CPE: variants seen among roughly 807,000 people sequenced by gnomAD.
The protein encoded by CPE is carbocypeptidase E.
Under a neutral mutation model 53.5 loss-of-function variants are expected in CPE, and 17 were observed. That is an observed-to-expected ratio of 0.32 (90% CI 0.22 to 0.48). CPE has a LOEUF of 0.48. Ranked by LOEUF, CPE falls within the 20% of genes least tolerant of loss-of-function variation. The probability of loss-of-function intolerance (pLI) is 0.99; values close to 1 mark genes in which losing one functional copy is unlikely to be tolerated. For missense variants in CPE, 524 were observed against 614.7 expected, an observed-to-expected ratio of 0.85 and a Z score of 1.56; for synonymous variants, 226 against 228.8, an observed-to-expected ratio of 0.99 and a Z score of 0.11.
chr4:165,497,477 T>A, intron 8 of CPE, 35 bp from the exon 9 acceptor site: 1 of 1,244,296 alleles, frequency 8.0e-7, no homozygotes, highest in Non-Finnish European at 1.1e-6. Flanking sequence ...ACACATGCAG[T>A]TTGATAATAA....
intron 3 of CPE, among the ~76,000 whole-genome samples, chr4:165,468,511 C>A (rs1450505232): frequency 6.6e-6 from 1 of 152,148 alleles, no homozygotes; most frequent in Non-Finnish European, 1.5e-5. Flanking sequence ...TCAGGTTGTC[C>A]AGAAACAAAT....
In CPE at chr4:165,388,580, T is replaced by C. The variant is rs911832509; in HGVS notation, c.307+9052T>C. Among the ~76,000 whole-genome samples the C allele has an allele frequency of 3.3e-5, 5 of 152,372 alleles. No homozygotes were observed. The South Asian group carries it at 1.0e-3, about 32-fold the overall frequency. Reference sequence around the variant, plus strand: ...TTTGGATTCACTCTTTCACACACGTTGAGCTTATATTGCATACTGTATAAC... The same window carrying C: ...TTTGGATTCACTCTTTCACACACGTCGAGCTTATATTGCATACTGTATAAC... On this transcript the variant is annotated intron_variant, in intron 1 of 8. Transcript: ENST00000402744.
intron 1 of CPE, among the ~76,000 whole-genome samples, chr4:165,444,813 C>T (rs986642305): frequency 1.3e-5 from 2 of 152,138 alleles, no homozygotes; most frequent in Non-Finnish European, 2.9e-5. Flanking sequence ...ACAGGATGGC[C>T]GGAGCAACTG....
intron 3 of CPE, among the ~76,000 whole-genome samples, chr4:165,480,191 G>A (rs867142055): frequency 6.6e-6 from 1 of 151,996 alleles, no homozygotes; most frequent in Non-Finnish European, 1.5e-5. Context: ...TAATTCCATT[G>A]TTCTTAAAAA....
chr4:165,493,392 C>G, intron 7 of CPE, 122 bp downstream of exon 7: 1 of 696,530 alleles, frequency 1.4e-6, no homozygotes, highest in Non-Finnish European at 2.3e-6. Context: ...TACAGCGTTT[C>G]TCAGCTTTGA....
rs554626235 is a variant in CPE at position 165,485,341 on chromosome 4, G to A, written c.973+737G>A. Among the ~76,000 whole-genome samples the A allele has an allele frequency of 2.6e-5, 4 of 152,134 alleles. No homozygotes were observed. The South Asian group carries it at 8.3e-4, about 32-fold the overall frequency. ...GAGAAAAATTTTCTATGGCCCACCT[G>A]GAAAAAGAAAATTTGTTAGGGTAAT... On this transcript the variant is annotated intron_variant, in intron 5 of 8. Coordinates refer to ENST00000402744, the MANE Select transcript of CPE (RefSeq NM_001873.4).
chr4:165,488,230 A>G (rs544180054), intron 6 of CPE, among the ~76,000 whole-genome samples: 1 of 152,328 alleles, frequency 6.6e-6, no homozygotes, highest in South Asian at 2.1e-4. Flanking sequence ...GGAATCAGAG[A>G]CACAGAGAGG....
intron 1 of CPE, among the ~76,000 whole-genome samples, chr4:165,415,805 A>G (rs937936304): frequency 6.6e-6 from 1 of 152,184 alleles, no homozygotes; most frequent in African/African-American, 2.4e-5. Flanking sequence ...GTACACAGGT[A>G]TAGTGCATAT....
At chr4:165,394,420 T>C (rs1730731722) in intron 1 of CPE, among the ~76,000 whole-genome samples, 1 of 152,168 alleles carries the variant, frequency 6.6e-6, no homozygotes, top group South Asian at 2.1e-4. Flanking sequence ...GGAATCCTGG[T>C]CCTAAGAGAA....
chr4:165,478,714 C>CAA (rs921022603), intron 3 of CPE, among the ~76,000 whole-genome samples: 27 of 152,238 alleles, frequency 1.8e-4, no homozygotes, highest in Admixed American at 4.6e-4. Flanking sequence ...GCATACTGTG[C>CAA]AAGCCATTCT....
rs530833356 is a variant in CPE, at chr4:165,450,225, T to C, written c.308-14165T>C. Among the ~76,000 whole-genome samples the C allele has an allele frequency of 2.6e-5, 4 of 152,314 alleles. No individual in the cohort carries two copies. The East Asian group carries it at 5.8e-4, about 22-fold the overall frequency. ...CTAAGGGAAGGGACAGGTGAAATACTAATACAAACAAAAACTGTTACAAAA... is the reference window on the plus strand; with the variant it reads ...CTAAGGGAAGGGACAGGTGAAATACCAATACAAACAAAAACTGTTACAAAA... On this transcript the variant is annotated intron_variant, in intron 1 of 8. Coordinates refer to ENST00000402744, the MANE Select transcript of CPE (RefSeq NM_001873.4).
At chr4:165,462,026 G>T (rs1197868714) in intron 1 of CPE, among the ~76,000 whole-genome samples, 2 of 152,146 alleles carry the variant, frequency 1.3e-5, no homozygotes, top group Non-Finnish European at 2.9e-5. Flanking sequence ...CTAAAGCATT[G>T]TTATTGTCAT....
rs187088668 is a variant in CPE, at chr4:165,432,652, G to A, written c.308-31738G>A. 4.9e-4 allele frequency among the ~76,000 whole-genome samples: 75 copies of A among 152,276 alleles called. 2 individuals are homozygous for A. The highest frequency in any genetic ancestry group is 2.6e-4 in the Non-Finnish European group (18 of 68,026). On this transcript the variant is annotated intron_variant, in intron 1 of 8. Transcript: ENST00000402744. ...AGTCACAACAATTTCAGAGAGTAGCGTAAGAATGTGAGTATCCTCCTTTTC... is the reference window on the plus strand; with the variant it reads ...AGTCACAACAATTTCAGAGAGTAGCATAAGAATGTGAGTATCCTCCTTTTC...
chr4:165,391,555 C>A (rs897316315), intron 1 of CPE, among the ~76,000 whole-genome samples: 6 of 152,104 alleles, frequency 3.9e-5, no homozygotes, highest in Non-Finnish European at 5.9e-5. Flanking sequence ...CATTCATTCA[C>A]CAGGCATTTG....
intron 1 of CPE, among the ~76,000 whole-genome samples, chr4:165,440,458 CCCCCCACACA>C (rs1560882875): frequency 6.9e-6 from 1 of 144,276 alleles, no homozygotes; most frequent in East Asian, 2.0e-4. Flanking sequence ...AACCCCACCC[CCCCCCACACA>C]CACAAGCTGT....
At chr4:165,454,617 A>G (rs1311388980) in intron 1 of CPE, among the ~76,000 whole-genome samples, 1 of 152,200 alleles carries the variant, frequency 6.6e-6, no homozygotes, top group Non-Finnish European at 1.5e-5. Context: ...TTCTGATGAC[A>G]TTACTTTTAC....
chr4:165,479,023 A>G (rs1383970812), intron 3 of CPE, among the ~76,000 whole-genome samples: 1 of 152,208 alleles, frequency 6.6e-6, no homozygotes, highest in African/African-American at 2.4e-5. Flanking sequence ...ATTTGTCAAT[A>G]TCTGCCATTG....
chr4:165,414,664 C>A (rs748194644), intron 1 of CPE, among the ~76,000 whole-genome samples: 2 of 151,200 alleles, frequency 1.3e-5, no homozygotes, highest in Admixed American at 1.3e-4. Flanking sequence ...TCCTGGATAA[C>A]GTAGATATAG....
At chr4:165,396,435 G>A (rs72701678) in intron 1 of CPE, among the ~76,000 whole-genome samples, 38,112 of 151,724 alleles carry the variant, frequency 0.25, 4,948 homozygotes, top group East Asian at 0.4. Context: ...AGGCAGGCAG[G>A]TCACTTGAGA....
Sources: allele counts gnomAD v4.1 joint callset (sites outside exome capture counted in the v4.1 genomes callset), GRCh38; gene constraint gnomAD v4.1.1; transcripts MANE v1.5; gene names NCBI Gene and HGNC (gene_info 2026-07-23, HGNC 2026-07-21).